The following LINGO2 variants were observed in gnomAD, a reference collection of about 807,000 sequenced individuals.
LINGO2 encodes leucine-rich repeat and immunoglobulin-like domain-containing nogo receptor-interacting protein 2.
A neutral mutation model predicts 30.6 loss-of-function variants in LINGO2; 14 were observed. The ratio of observed to expected loss-of-function variants is 0.46; its 90% CI spans 0.30 to 0.72. The LOEUF is 0.72. LINGO2 is among the 30% of genes least tolerant of loss of function. The pLI is 0.07. For synonymous variants in LINGO2, 317 were observed against 288.5 expected (o/e 1.10, Z -1.00); for missense variants, 729 against 751.7 (o/e 0.97, Z 0.35).
chr9:28,719,467 C>A, the LINGO2 span, among the ~76,000 whole-genome samples: 1 of 151,998 alleles, frequency 6.6e-6, no homozygotes, highest in African/African-American at 2.4e-5. Context: ...CTCCCAAACT[C>A]ATCAGTGTAC....
At chr9:28,680,500 T>A in the LINGO2 span, among the ~76,000 whole-genome samples, 6 of 152,094 alleles carry the variant, frequency 3.9e-5, no homozygotes, top group East Asian at 9.7e-4. Flanking sequence ...CTGCATCATA[T>A]GGTAATTCTA....
chr9:27,986,449 G>C (rs1359871987), intron 5 of LINGO2, among the ~76,000 whole-genome samples: 3 of 151,868 alleles, frequency 2.0e-5, no homozygotes, highest in African/African-American at 4.8e-5. Flanking sequence ...AGTGAATTTA[G>C]TACTCTCCGG....
the LINGO2 span, among the ~76,000 whole-genome samples, chr9:29,108,222 C>A: frequency 6.6e-6 from 1 of 152,030 alleles, no homozygotes; most frequent in African/African-American, 2.4e-5. Context: ...CCAACATAAT[C>A]TTGACATAAT....
chr9:28,985,546 T>C, the LINGO2 span, among the ~76,000 whole-genome samples: 3 of 152,258 alleles, frequency 2.0e-5, no homozygotes, highest in South Asian at 6.2e-4. Context: ...ATCTTTTTGA[T>C]AACAGCCATT....
At chr9:28,441,229 A>G (rs1275475897) in intron 2 of LINGO2, among the ~76,000 whole-genome samples, 1 of 130,046 alleles carries the variant, frequency 7.7e-6, no homozygotes, top group Non-Finnish European at 1.6e-5. Context: ...TCACAAGTAT[A>G]GCAGTATAAA....
At chr9:28,194,741 A>T (rs1395950888) in intron 4 of LINGO2, among the ~76,000 whole-genome samples, 1 of 151,970 alleles carries the variant, frequency 6.6e-6, no homozygotes, top group African/African-American at 2.4e-5. Flanking sequence ...ACAACTACAA[A>T]GCACTCTTAG....
chr9:28,939,485 T>G, the LINGO2 span, among the ~76,000 whole-genome samples: 14 of 152,172 alleles, frequency 9.2e-5, no homozygotes, highest in African/African-American at 3.4e-4. Flanking sequence ...CTAAAATGGG[T>G]AGCTTTAAAC....
At position 28,129,559 on chromosome 9, in the gene LINGO2, CT is replaced by C. The variant is rs1400885615; in HGVS notation, c.-86-117155del. On this transcript the variant is annotated intron_variant, in intron 4 of 5. Transcript: ENST00000379992. This position sits in a 1 kb window ranked among gnomAD's most constrained non-coding sequence, Gnocchi z 4.0. ...GCCCATGTGAATGGATCTAGGATTA[CT>C]TCCCTGACTCTTCCCAACTCACTTG... 1 of 152,242 alleles carries C rather than the reference CT, an allele frequency of 6.6e-6. No homozygotes were observed. The highest frequency in any genetic ancestry group is 2.4e-5 in the African/African-American group (1 of 41,456). 9.4% of individuals were successfully genotyped at this position (152,242 alleles called of 1,614,324 possible).
At chr9:29,185,719 C>T in the LINGO2 span, among the ~76,000 whole-genome samples, 1 of 152,100 alleles carries the variant, frequency 6.6e-6, no homozygotes, top group Non-Finnish European at 1.5e-5. Flanking sequence ...ATTGGGAAAA[C>T]TTCAGTCTTC....
chr9:28,074,607 T>C (rs1426475767), intron 4 of LINGO2, among the ~76,000 whole-genome samples: 1 of 152,100 alleles, frequency 6.6e-6, no homozygotes, highest in Non-Finnish European at 1.5e-5. Context: ...AAAAATCTCA[T>C]ATAAGTTAGT....
At chr9:29,039,543 T>G in the LINGO2 span, among the ~76,000 whole-genome samples, 2 of 152,168 alleles carry the variant, frequency 1.3e-5, no homozygotes, top group African/African-American at 4.8e-5. Flanking sequence ...AAGCCTCTTC[T>G]CGCCTAGTTG....
At chr9:28,779,899 C>T in the LINGO2 span, among the ~76,000 whole-genome samples, 2 of 152,056 alleles carry the variant, frequency 1.3e-5, no homozygotes, top group Non-Finnish European at 2.9e-5. Context: ...TCCCTCCCTG[C>T]TTCTTACTAT....
chr9:28,091,927 C>G lies in LINGO2; in HGVS notation c.-86-79522G>C, dbSNP rs1403524066. ...TCTCAAAAGAAGACATTTTTGCAGCCAAAAGACACATGAAAAAATGCTCAT... is the reference window on the plus strand; with the variant it reads ...TCTCAAAAGAAGACATTTTTGCAGCGAAAAGACACATGAAAAAATGCTCAT... On this transcript the variant is annotated intron_variant, in intron 4 of 5. Transcript: ENST00000379992. Among the ~76,000 whole-genome samples the G allele has an allele frequency of 3.3e-5, 5 of 152,014 alleles. 1 individual carries two copies. The highest frequency in any genetic ancestry group is 7.4e-5 in the Non-Finnish European group (5 of 68,006).
chr9:28,421,861 T>A (rs1823212148), intron 2 of LINGO2, among the ~76,000 whole-genome samples: 1 of 152,038 alleles, frequency 6.6e-6, no homozygotes, highest in Non-Finnish European at 1.5e-5. Context: ...CCCCATCTCA[T>A]ATAAAACCAA....
intron 4 of LINGO2, among the ~76,000 whole-genome samples, chr9:28,056,741 C>T (rs1005930687): frequency 2.0e-5 from 3 of 152,166 alleles, no homozygotes; most frequent in Non-Finnish European, 2.9e-5. Context: ...CTTTTACTTT[C>T]GTCACTTGCA....
At chr9:28,100,998 G>A (rs2133311667) in intron 4 of LINGO2, among the ~76,000 whole-genome samples, 2 of 152,206 alleles carry the variant, frequency 1.3e-5, no homozygotes, top group African/African-American at 4.8e-5. Context: ...TTGAGAGGAA[G>A]CTGAGTGAGC....
chr9:28,672,930 A>C (rs1020851728), upstream of LINGO2, among the ~76,000 whole-genome samples: 10 of 152,280 alleles, frequency 6.6e-5, no homozygotes, highest in East Asian at 1.9e-4. Flanking sequence ...TGTGAAAAAT[A>C]AGTTATGTTG....
intron 4 of LINGO2, among the ~76,000 whole-genome samples, chr9:28,053,673 A>T (rs934251282): frequency 2.0e-5 from 3 of 151,694 alleles, no homozygotes; most frequent in Non-Finnish European, 4.4e-5. Flanking sequence ...ATTGTAAAAT[A>T]AACTGATGTC....
chr9:29,211,513 C>T, the LINGO2 span, among the ~76,000 whole-genome samples: 4 of 152,084 alleles, frequency 2.6e-5, no homozygotes, highest in Non-Finnish European at 5.9e-5. Context: ...CTTAACTTCG[C>T]CCTCCTTCCT....
Sources: allele counts gnomAD v4.1 joint callset (sites outside exome capture counted in the v4.1 genomes callset), GRCh38; gene constraint gnomAD v4.1.1; non-coding constraint Gnocchi (gnomAD v3.1); transcripts MANE v1.5; gene names NCBI Gene and HGNC (gene_info 2026-07-23, HGNC 2026-07-21).